MTHFD1L: variants seen among roughly 807,000 people sequenced by gnomAD.
MTHFD1L encodes monofunctional C1-tetrahydrofolate synthase, mitochondrial.
In MTHFD1L, 81 loss-of-function variants were observed where a neutral mutation model predicts 119.5. That is an observed-to-expected ratio of 0.68 (90% CI 0.57 to 0.82). The LOEUF is 0.82. MTHFD1L is among the 40% of genes least tolerant of loss of function. The pLI is 0.00. For missense variants in MTHFD1L, 1,125 were observed against 1,253.4 expected (o/e 0.90, Z 1.55); for synonymous variants, 430 against 475.2 (o/e 0.90, Z 1.24).
intron 16 of MTHFD1L, among the ~76,000 whole-genome samples, chr6:150,950,676 G>A (rs803468): frequency 0.33 from 50,022 of 151,992 alleles, 8,463 homozygotes; most frequent in South Asian, 0.51. Context: ...TTTGTTTGTT[G>A]TTATTTTGAG....
rs1795210089 is a variant in MTHFD1L, at chr6:151,099,790, C to G, written c.*32-1736C>G. 3 of 1,607,158 alleles carry G rather than the reference C, an allele frequency of 1.9e-6. No individual in the cohort carries two copies. In the East Asian group the frequency reaches 6.7e-5, roughly 36 times the overall value. ...CAACGTCAAGGAGCTGGAAGTGCTG[C>G]TGATGTGCAACAATCGTACTTGTGC... On this transcript the variant is annotated intron_variant, in intron 27 of 27. Transcript: ENST00000367321.
intron 8 of MTHFD1L, chr6:150,912,784 G>A (rs1280973155): frequency 9.3e-6 from 4 of 428,920 alleles, no homozygotes; most frequent in South Asian, 1.7e-5. Flanking sequence ...ACCCGTCCAC[G>A]GTTTCGGATG....
intron 26 of MTHFD1L, among the ~76,000 whole-genome samples, chr6:151,068,441 C>G (rs941964947): frequency 5.3e-5 from 8 of 152,212 alleles, no homozygotes; most frequent in African/African-American, 1.9e-4. Context: ...CTTTCAAATG[C>G]TGAGGCATTT....
intron 1 of MTHFD1L, chr6:150,866,496 A>G: frequency 7.6e-7 from 1 of 1,311,960 alleles, no homozygotes; most frequent in Non-Finnish European, 9.7e-7. Flanking sequence ...GGGAAGGGCA[A>G]GCGGAGCTCG....
intron 20 of MTHFD1L, among the ~76,000 whole-genome samples, chr6:150,986,906 T>G (rs1486970807): frequency 1.3e-5 from 2 of 152,156 alleles, no homozygotes; most frequent in African/African-American, 4.8e-5. Context: ...TTCACCATGT[T>G]GGCCAGGCTG....
Position 150,882,945 on chromosome 6 carries a change from C to G in MTHFD1L, c.542+59C>G, listed in dbSNP as rs558782754. The stretch of plus-strand genomic sequence containing the variant: ...GGCTAAATCACTTTTTCTATTGTGC[C>G]TGCTTTTATTTTTCTAAATTTCTTC... On this transcript the variant is annotated intron_variant, in intron 5 of 27. Transcript: ENST00000367321. The G allele has an allele frequency of 4.8e-5, 69 of 1,428,264 alleles. No homozygotes were observed. In the Admixed American group the frequency reaches 1.8e-3, roughly 38 times the overall value. The allele number at this position is 1,428,264 out of a possible 1,614,324, so 88.5% of individuals were successfully genotyped here.
chr6:151,060,290 A>C (rs1304099816), intron 26 of MTHFD1L, among the ~76,000 whole-genome samples: 1 of 152,188 alleles, frequency 6.6e-6, no homozygotes, highest in Non-Finnish European at 1.5e-5. Flanking sequence ...TCATTAGGCC[A>C]TTCTAGCTTA....
At chr6:150,969,249 T>C (rs975792425) in intron 19 of MTHFD1L, among the ~76,000 whole-genome samples, 18 of 152,228 alleles carry the variant, frequency 1.2e-4, no homozygotes, top group African/African-American at 4.1e-4. Flanking sequence ...CTCAAAGTAC[T>C]GGGATTATAG....
intron 18 of MTHFD1L, among the ~76,000 whole-genome samples, chr6:150,964,590 A>G (rs1796924349): frequency 6.6e-6 from 1 of 152,248 alleles, no homozygotes; most frequent in Non-Finnish European, 1.5e-5. Flanking sequence ...TCTGTTCTTC[A>G]CCTTATTTCT....
At chr6:151,079,022 T>C (rs1792853490) in intron 26 of MTHFD1L, among the ~76,000 whole-genome samples, 1 of 152,152 alleles carries the variant, frequency 6.6e-6, no homozygotes, top group Admixed American at 6.5e-5. Flanking sequence ...GTGAACGTAC[T>C]GAAAGCTGAC....
chr6:151,080,104 G>C (rs146750136), intron 26 of MTHFD1L, among the ~76,000 whole-genome samples: 3,201 of 152,046 alleles, frequency 0.021, 91 homozygotes, highest in South Asian at 0.11. Context: ...CTTGAACCTG[G>C]GAGGTGGAGA....
chr6:150,884,833 C>T (rs1314573436), intron 5 of MTHFD1L, among the ~76,000 whole-genome samples: 2 of 152,128 alleles, frequency 1.3e-5, no homozygotes, highest in African/African-American at 4.8e-5. Flanking sequence ...CCCCCCACCC[C>T]GACTTCTCAA....
chr6:151,065,315 G>A (rs1791115337), intron 26 of MTHFD1L, among the ~76,000 whole-genome samples: 1 of 152,164 alleles, frequency 6.6e-6, no homozygotes, highest in African/African-American at 2.4e-5. Flanking sequence ...ATCTTGACTT[G>A]CCTGCCCCAG....
intron 20 of MTHFD1L, among the ~76,000 whole-genome samples, chr6:151,000,450 T>C (rs928621380): frequency 6.6e-6 from 1 of 152,164 alleles, no homozygotes; most frequent in Admixed American, 6.6e-5. Flanking sequence ...GACTCCAAGA[T>C]ATTTAATAAA....
At chr6:150,888,586 A>G in intron 7 of MTHFD1L, among the ~76,000 whole-genome samples, 1 of 152,222 alleles carries the variant, frequency 6.6e-6, no homozygotes, top group East Asian at 1.9e-4. Flanking sequence ...AAGCAGAGGT[A>G]TCATCTTCAT....
At chr6:151,098,203 G>C (rs1037829056) in intron 27 of MTHFD1L, among the ~76,000 whole-genome samples, 7 of 151,890 alleles carry the variant, frequency 4.6e-5, no homozygotes, top group Non-Finnish European at 1.0e-4. Flanking sequence ...CAATACAAGG[G>C]AAAAATGGGC....
At chr6:151,098,650 T>C (rs1382430893) in intron 27 of MTHFD1L, among the ~76,000 whole-genome samples, 1 of 152,214 alleles carries the variant, frequency 6.6e-6, no homozygotes, top group Non-Finnish European at 1.5e-5. Flanking sequence ...AAACAAACTT[T>C]TTCTGAGCAC....
At chr6:150,945,721 C>T (rs1056734113) in intron 15 of MTHFD1L, among the ~76,000 whole-genome samples, 180 bp downstream of exon 15, 3 of 152,082 alleles carry the variant, frequency 2.0e-5, no homozygotes, top group African/African-American at 7.2e-5. Context: ...AAGCCTGAAC[C>T]CTGGTTCTAC....
At chr6:151,033,328 C>T (rs1785620918) in intron 24 of MTHFD1L, among the ~76,000 whole-genome samples, 1 of 152,032 alleles carries the variant, frequency 6.6e-6, no homozygotes, top group African/African-American at 2.4e-5. Flanking sequence ...CCATGTTGGC[C>T]ACGCTGATCT....
Sources: allele counts gnomAD v4.1 joint callset (sites outside exome capture counted in the v4.1 genomes callset), GRCh38; gene constraint gnomAD v4.1.1; transcripts MANE v1.5; gene names NCBI Gene and HGNC (gene_info 2026-07-23, HGNC 2026-07-21).